ITPR1: variants seen among roughly 807,000 people sequenced by gnomAD.
ITPR1 encodes the protein inositol 1,4,5-trisphosphate-gated calcium channel ITPR1.
A neutral mutation model predicts 318.4 loss-of-function variants in ITPR1; 96 were observed. That is an observed-to-expected ratio of 0.30 (90% CI 0.26 to 0.36). ITPR1 has a LOEUF of 0.36. Among genes scored for constraint, ITPR1 ranks in the 10% least tolerant of loss-of-function variants. The probability of loss-of-function intolerance (pLI) is 1.00; values close to 1 mark genes in which losing one functional copy is unlikely to be tolerated. For missense variants in ITPR1, 2,440 were observed against 3,460.2 expected (o/e 0.71, Z 7.40); for synonymous variants, 1,312 against 1,289.9 (o/e 1.02, Z -0.37).
In ITPR1 at chr3:4,788,120, T is replaced by C; in HGVS notation, c.6789T>C (p.Asn2263=). 1 of 1,604,376 alleles carries C rather than the reference T, an allele frequency of 6.2e-7. No homozygotes were observed. The highest frequency in any genetic ancestry group is 2.2e-5 in the East Asian group (1 of 44,636). The change falls in exon 52 of 62, where the codon AAT becomes AAC. Residue 2263 remains asparagine, a synonymous_variant. Coordinates refer to ENST00000649015, the MANE Select transcript of ITPR1 (RefSeq NM_001378452.1). ...LRSEDLFNEM[N]WQKKLRAQPV... ...CTGAAGACCTCTTCAATGAAATGAA[T>C]TGGCAGAAGAAACTGAGAGGTGGGT...
At chr3:4,683,884 A>G in intron 28 of ITPR1, 86 bp downstream of exon 28, 1 of 1,185,354 alleles carries the variant, frequency 8.4e-7, no homozygotes, top group Non-Finnish European at 1.2e-6. Context: ...TTAGGTATAA[A>G]TGTGATAGGA....
chr3:4,688,709 T>C, intron 31 of ITPR1, 89 bp downstream of exon 31: 1 of 1,311,936 alleles, frequency 7.6e-7, no homozygotes, highest in Non-Finnish European at 1.1e-6. Flanking sequence ...CTGTTGTGGC[T>C]TCTGGGGCTT....
intron 46 of ITPR1, among the ~76,000 whole-genome samples, chr3:4,772,051 C>T (rs2046223316): frequency 6.6e-6 from 1 of 152,226 alleles, no homozygotes; most frequent in South Asian, 2.1e-4. Flanking sequence ...TTAAAAACTC[C>T]TGCAAAATCA....
At chr3:4,517,758 T>A (rs2082271323) in intron 3 of ITPR1, among the ~76,000 whole-genome samples, 1 of 152,228 alleles carries the variant, frequency 6.6e-6, no homozygotes, top group Admixed American at 6.5e-5. Context: ...CAAAGAGGCC[T>A]CCTTCTGCCC....
chr3:4,747,428 C>T (rs1182564077), intron 44 of ITPR1, among the ~76,000 whole-genome samples: 1 of 152,230 alleles, frequency 6.6e-6, no homozygotes, highest in African/African-American at 2.4e-5. Flanking sequence ...CGCCTCCTTA[C>T]TCCACCAATT....
At chr3:4,613,467 G>A (rs2092249258) in intron 4 of ITPR1, among the ~76,000 whole-genome samples, 1 of 152,116 alleles carries the variant, frequency 6.6e-6, no homozygotes, top group African/African-American at 2.4e-5. Context: ...GAATTGGGGG[G>A]AACTTCCCTC....
At chr3:4,545,243 G>A (rs1166305327) in intron 4 of ITPR1, among the ~76,000 whole-genome samples, 2 of 152,198 alleles carry the variant, frequency 1.3e-5, no homozygotes, top group African/African-American at 4.8e-5. Context: ...TCATCCTAAA[G>A]GAGGAAGTAG....
chr3:4,757,231 T>G (rs1029573317), intron 44 of ITPR1, among the ~76,000 whole-genome samples: 1 of 152,172 alleles, frequency 6.6e-6, no homozygotes. Context: ...AATCATTGGT[T>G]TCTAAAAAAG....
chr3:4,501,771 C>CT (rs2081040312), intron 2 of ITPR1, among the ~76,000 whole-genome samples: 1 of 152,198 alleles, frequency 6.6e-6, no homozygotes, highest in Non-Finnish European at 1.5e-5. Context: ...CTTTTATTCG[C>CT]TGTTCACATG....
intron 3 of ITPR1, among the ~76,000 whole-genome samples, chr3:4,520,713 A>G (rs925045548): frequency 9.2e-5 from 14 of 152,336 alleles, no homozygotes; most frequent in South Asian, 4.1e-4. Flanking sequence ...AGTTGAATGC[A>G]ACAGCCCCTT....
chr3:4,513,452 C>A (rs1472673406), intron 2 of ITPR1, among the ~76,000 whole-genome samples: 4 of 152,134 alleles, frequency 2.6e-5, no homozygotes, highest in Non-Finnish European at 5.9e-5. Context: ...CTGTCCTCCC[C>A]TACTTTTTGG....
intron 4 of ITPR1, among the ~76,000 whole-genome samples, chr3:4,577,377 C>A (rs2088798830): frequency 6.6e-6 from 1 of 152,208 alleles, no homozygotes; most frequent in South Asian, 2.1e-4. Context: ...AATACAGATT[C>A]TGTAGGTCTA....
chr3:4,607,618 GTTT>G (rs1015260959), intron 4 of ITPR1, among the ~76,000 whole-genome samples: 1 of 152,030 alleles, frequency 6.6e-6, no homozygotes, highest in African/African-American at 2.4e-5. Context: ...GGGGGCAAGG[GTTT>G]TTTCAAAGGT....
chr3:4,653,759 G>T, intron 11 of ITPR1, 83 bp from the exon 12 acceptor site: 1 of 920,626 alleles, frequency 1.1e-6, no homozygotes. Context: ...GATGTTTGCA[G>T]GCCTTGAAGT....
At chr3:4,672,182 G>A (rs1039697014) in intron 20 of ITPR1, among the ~76,000 whole-genome samples, 18 of 152,144 alleles carry the variant, frequency 1.2e-4, no homozygotes, top group Non-Finnish European at 2.2e-4. Context: ...ACACTGGGAG[G>A]TGGGCTTGGA....
chr3:4,630,594 TA>T (rs2092985553), intron 5 of ITPR1, among the ~76,000 whole-genome samples: 1 of 148,746 alleles, frequency 6.7e-6, no homozygotes. Context: ...TTATTATTAT[TA>T]TTATTTTTAA....
chr3:4,759,254 C>A (rs1368792094), intron 44 of ITPR1, among the ~76,000 whole-genome samples: 2 of 152,168 alleles, frequency 1.3e-5, no homozygotes, highest in Admixed American at 6.5e-5. Context: ...GATGGGGGAG[C>A]CAGGCTAATT....
intron 44 of ITPR1, among the ~76,000 whole-genome samples, chr3:4,756,121 G>A (rs939507318): frequency 1.1e-4 from 17 of 152,214 alleles, no homozygotes; most frequent in African/African-American, 4.1e-4. Flanking sequence ...TCATAGGTCA[G>A]ACTTTTGCTG....
chr3:4,761,761 C>T (rs1053270479), intron 44 of ITPR1, among the ~76,000 whole-genome samples: 5 of 152,148 alleles, frequency 3.3e-5, no homozygotes, highest in African/African-American at 7.2e-5. Context: ...GAGCCTGGGG[C>T]GGGGAGGCTG....
Sources: gnomAD v4.1 joint callset for allele counts (sites outside exome capture counted in the v4.1 genomes callset) on GRCh38, gnomAD v4.1.1 for gene constraint, MANE v1.5 for transcripts, NCBI Gene and HGNC (gene_info 2026-07-23, HGNC 2026-07-21) for gene names.